CUBN: variants seen among roughly 807,000 people sequenced by gnomAD.
CUBN encodes the protein 460 kDa receptor.
In CUBN, 282 loss-of-function variants were observed where a neutral mutation model predicts 405.3. The ratio of observed to expected loss-of-function variants is 0.70; its 90% CI spans 0.63 to 0.77. The LOEUF (loss-of-function observed/expected upper bound fraction) is 0.77. CUBN is among the 30% of genes least tolerant of loss of function. The pLI is 0.00. For synonymous variants in CUBN, 1,684 were observed against 1,617.0 expected, an observed-to-expected ratio of 1.04 and a Z score of -0.99; for missense variants, 4,514 against 4,475.2, an observed-to-expected ratio of 1.01 and a Z score of -0.25.
At chr10:16,877,649 T>G (rs1444997108) in intron 56 of CUBN, among the ~76,000 whole-genome samples, 1 of 152,238 alleles carries the variant, frequency 6.6e-6, no homozygotes, top group Non-Finnish European at 1.5e-5. Context: ...AACTCCTTAA[T>G]GTTTATTGAA....
At chr10:16,908,255 C>T (rs1350867586) in intron 48 of CUBN, among the ~76,000 whole-genome samples, 2 of 152,110 alleles carry the variant, frequency 1.3e-5, no homozygotes, top group East Asian at 3.9e-4. Context: ...AAGCAGTTCT[C>T]CTGCCTCAGC....
chr10:16,920,749 T>C (rs572204745), intron 43 of CUBN, among the ~76,000 whole-genome samples: 26 of 152,316 alleles, frequency 1.7e-4, no homozygotes, highest in African/African-American at 5.8e-4. Flanking sequence ...CTATTATCAA[T>C]AAATATTCTT....
rs773217501 is a variant in CUBN at position 16,984,283 on chromosome 10, A to C, written c.4351-4T>G. The C allele has an allele frequency of 1.2e-6, 2 of 1,613,682 alleles. No individual in the cohort carries two copies. Among genetic ancestry groups the C allele is most frequent in the Non-Finnish European group, 1.7e-6 (2 of 1,179,632 alleles). ...GGAAATCGGGGCCTCCATAGATCTA[A>C]CATGGGATGTAGGAAAAAAGACTTT... is the stretch of plus-strand genomic sequence containing the variant. On this transcript the variant is annotated splice_region_variant and splice_polypyrimidine_tract_variant and intron_variant, in intron 29 of 66. Transcript: ENST00000377833.
At chr10:16,935,332 T>G (rs2131598264) in intron 39 of CUBN, among the ~76,000 whole-genome samples, 1 of 152,066 alleles carries the variant, frequency 6.6e-6, no homozygotes, top group East Asian at 1.9e-4. Context: ...TTTTAATCTT[T>G]TGTAGAGATG....
chr10:17,059,624 A>G (rs1237384081), intron 22 of CUBN, among the ~76,000 whole-genome samples: 1 of 150,632 alleles, frequency 6.6e-6, no homozygotes, highest in African/African-American at 2.4e-5. Flanking sequence ...CTGCTTCCAC[A>G]GACATATTTG....
chr10:17,123,790 G>C lies in CUBN; in HGVS notation c.388-101C>G. On this transcript the variant is annotated intron_variant, in intron 4 of 66. Transcript: ENST00000377833. ...GATTACATTTAACTCTTAATCAGTG[G>C]GGGTCTCCTTCTACACTTTAAAGCC... 3 of 762,074 alleles carry C rather than the reference G, an allele frequency of 3.9e-6. No homozygotes were observed. In the Admixed American group the frequency reaches 6.0e-5, roughly 15 times the overall value. The allele number at this position is 762,074 out of a possible 1,614,324, so 47.2% of individuals were successfully genotyped here.
chr10:17,044,119 A>G (rs974233494), intron 25 of CUBN, 136 bp from the exon 26 acceptor site: 1 of 208,138 alleles, frequency 4.8e-6, no homozygotes, highest in African/African-American at 2.5e-5. Context: ...ATATGTAATT[A>G]TATATAAAAT....
intron 27 of CUBN, among the ~76,000 whole-genome samples, chr10:17,036,327 A>T (rs986321778): frequency 2.0e-5 from 3 of 152,110 alleles, no homozygotes; most frequent in Non-Finnish European, 4.4e-5. Context: ...GGTTGCTGAA[A>T]CTCAGAGGAA....
intron 24 of CUBN, among the ~76,000 whole-genome samples, 189 bp from the exon 25 acceptor site, chr10:17,045,377 T>G (rs987483036): frequency 4.9e-5 from 7 of 142,558 alleles, no homozygotes; most frequent in Non-Finnish European, 7.6e-5. Flanking sequence ...TTTTTTTTTT[T>G]GAGATGGAGT....
At chr10:17,023,179 A>G (rs1834547302) in intron 27 of CUBN, among the ~76,000 whole-genome samples, 3 of 141,826 alleles carry the variant, frequency 2.1e-5, no homozygotes, top group South Asian at 4.6e-4. Flanking sequence ...CTTTAATAAC[A>G]CATTGTAAAA....
intron 43 of CUBN, among the ~76,000 whole-genome samples, chr10:16,924,119 A>G (rs1842116247): frequency 6.6e-6 from 1 of 152,070 alleles, no homozygotes; most frequent in African/African-American, 2.4e-5. Context: ...AAAAGAGTAG[A>G]GTTATGTAGG....
Position 16,998,057 on chromosome 10 carries a change from T to G in CUBN, c.4169-7542A>C, listed in dbSNP as rs1470646495. 2.6e-5 allele frequency among the ~76,000 whole-genome samples: 4 copies of G among 151,948 alleles called. No individual in the cohort carries two copies. In the East Asian group the frequency reaches 7.7e-4, roughly 29 times the overall value. On this transcript the variant is annotated intron_variant, in intron 28 of 66. Transcript: ENST00000377833. ...ATATAAAGGCCAAGGAACATAAAAT[T>G]TCCTTGAGAAAAAAGAAGGAAGAAA...
At position 17,128,711 on chromosome 10, in the gene CUBN, C is replaced by T. The variant is rs916439692; in HGVS notation, c.252+410G>A. Among the ~76,000 whole-genome samples, 4 of 152,090 alleles carry T rather than the reference C, an allele frequency of 2.6e-5. No individual in the cohort carries two copies. The South Asian group carries it at 6.2e-4, about 24-fold the overall frequency. ...GTCCTTTACAAGAACATGTCTGATG[C>T]CCAATTATGTTCTCTATGCTAAAGA... On this transcript the variant is annotated intron_variant, in intron 2 of 66. Transcript: ENST00000377833.
At chr10:17,065,004 CTT>C (rs957266500) in intron 22 of CUBN, among the ~76,000 whole-genome samples, 2 of 152,042 alleles carry the variant, frequency 1.3e-5, no homozygotes, top group Non-Finnish European at 1.5e-5. Context: ...TATTCAGTCT[CTT>C]TGGTAACTTT....
chr10:16,830,966 A>C (rs1181512222), intron 65 of CUBN, among the ~76,000 whole-genome samples: 1 of 152,076 alleles, frequency 6.6e-6, no homozygotes, highest in Non-Finnish European at 1.5e-5. Flanking sequence ...GCATGCCTGT[A>C]ATCTCAGCTA....
At position 17,085,510 on chromosome 10, in the gene CUBN, T is replaced by C. The variant is rs565139290; in HGVS notation, c.2110+87A>G. On this transcript the variant is annotated intron_variant, in intron 16 of 66. Coordinates refer to ENST00000377833, the MANE Select transcript of CUBN (RefSeq NM_001081.4). ...CTTGGTCTAAGACAGTCAGTCATCCTCTGAATCACATTAAAATATAAAACA... is the reference window on the plus strand; with the variant it reads ...CTTGGTCTAAGACAGTCAGTCATCCCCTGAATCACATTAAAATATAAAACA... 5.4e-6 allele frequency: 7 copies of C among 1,306,908 alleles called. No individual in the cohort carries two copies. In the South Asian group the frequency reaches 5.9e-5, roughly 11 times the overall value. The allele number at this position is 1,306,908 out of a possible 1,614,324, so 81.0% of individuals were successfully genotyped here. A position where few individuals can be genotyped will look rare whatever the true frequency, so the allele number is the denominator to read the frequency against.
chr10:16,868,043 G>A (rs1367767169), intron 59 of CUBN, among the ~76,000 whole-genome samples: 1 of 151,360 alleles, frequency 6.6e-6, no homozygotes, highest in East Asian at 1.9e-4. Flanking sequence ...TCCCTTTTTT[G>A]TGCAAAAAAA....
intron 10 of CUBN, among the ~76,000 whole-genome samples, chr10:17,107,526 C>T (rs1387623672): frequency 7.2e-6 from 1 of 138,320 alleles, no homozygotes; most frequent in Non-Finnish European, 1.5e-5. Context: ...GAGACGGAGT[C>T]TCGCTCTGTC....
chr10:16,931,764 G>A (rs1312854258), intron 40 of CUBN, among the ~76,000 whole-genome samples: 1 of 152,086 alleles, frequency 6.6e-6, no homozygotes, highest in African/African-American at 2.4e-5. Context: ...AGCCACACAG[G>A]AAAAAAGGAC....
Sources: gnomAD v4.1 joint callset for allele counts (sites outside exome capture counted in the v4.1 genomes callset) on GRCh38, gnomAD v4.1.1 for gene constraint, MANE v1.5 for transcripts, NCBI Gene and HGNC (gene_info 2026-07-23, HGNC 2026-07-21) for gene names.